Variants in AGFG1 observed in about 807,000 individuals in gnomAD.
The protein encoded by AGFG1 is ArfGAP with FG repeats 1.
A neutral mutation model predicts 60.6 loss-of-function variants in AGFG1; 10 were observed. The ratio of observed to expected loss-of-function variants is 0.16; its 90% CI spans 0.10 to 0.28. The LOEUF (loss-of-function observed/expected upper bound fraction) is 0.28, where lower values mean the gene tolerates loss of function less well. AGFG1 is among the 10% of genes least tolerant of loss of function. The probability of loss-of-function intolerance (pLI) is 1.00; values close to 1 mark genes in which losing one functional copy is unlikely to be tolerated. For missense variants in AGFG1, 537 were observed against 676.5 expected, an observed-to-expected ratio of 0.79 and a Z score of 2.29; for synonymous variants, 247 against 242.9, an observed-to-expected ratio of 1.02 and a Z score of -0.16.
chr2:227,543,509 G>C (rs1435970900), intron 10 of AGFG1, among the ~76,000 whole-genome samples: 1 of 152,118 alleles, frequency 6.6e-6, no homozygotes, highest in South Asian at 2.1e-4. Context: ...ATTGCACTGT[G>C]GTCTGAGAGA....
chr2:227,493,971 T>C (rs1384130432), intron 2 of AGFG1, among the ~76,000 whole-genome samples: 3 of 152,152 alleles, frequency 2.0e-5, no homozygotes, highest in Non-Finnish European at 4.4e-5. Flanking sequence ...TCACTGAAGA[T>C]GGAGCAAACA....
At chr2:227,539,573 A>T (rs757777508) in intron 10 of AGFG1, among the ~76,000 whole-genome samples, 1 of 151,810 alleles carries the variant, frequency 6.6e-6, no homozygotes, top group Non-Finnish European at 1.5e-5. Context: ...CCTGGGCAAC[A>T]TGGCGAACCC....
chr2:227,545,633 C>T (rs1692623932), intron 10 of AGFG1, among the ~76,000 whole-genome samples: 1 of 152,162 alleles, frequency 6.6e-6, no homozygotes, highest in Admixed American at 6.5e-5. Flanking sequence ...TGGTGACCTA[C>T]AGATGGGGTT....
chr2:227,482,864 G>A (rs1690510952), intron 1 of AGFG1, among the ~76,000 whole-genome samples: 1 of 152,094 alleles, frequency 6.6e-6, no homozygotes, highest in Non-Finnish European at 1.5e-5. Flanking sequence ...ATCTGCAGAT[G>A]TCTTAATTAT....
intron 1 of AGFG1, among the ~76,000 whole-genome samples, chr2:227,484,420 C>T (rs924103369): frequency 1.3e-5 from 2 of 152,128 alleles, no homozygotes; most frequent in African/African-American, 4.8e-5. Flanking sequence ...CTCCTGATCA[C>T]AAGTGATCCA....
intron 1 of AGFG1, among the ~76,000 whole-genome samples, chr2:227,490,510 GGAGCTTGCAGT>G (rs1690778219): frequency 1.3e-5 from 2 of 151,712 alleles, no homozygotes; most frequent in African/African-American, 2.4e-5. Flanking sequence ...CCCGGGAGGT[GGAGCTTGCAGT>G]GAGCCGAGAC....
intron 1 of AGFG1, among the ~76,000 whole-genome samples, chr2:227,474,075 G>A (rs2106146770): frequency 6.6e-6 from 1 of 152,234 alleles, no homozygotes; most frequent in African/African-American, 2.4e-5. Flanking sequence ...CTGAGAAGTT[G>A]CCAGTTAATA....
At position 227,524,848 on chromosome 2, in the gene AGFG1, T is replaced by C. The variant is rs750224811; in HGVS notation, c.627T>C (p.Ala209=). ...LLSDLGSDIF[A]APAPQSTATA... Reference sequence around the variant, plus strand: ...GTGATCTCGGCTCAGACATCTTTGCTGCTCCAGCTCCTCAGTCAACAGCTA... The same window carrying C: ...GTGATCTCGGCTCAGACATCTTTGCCGCTCCAGCTCCTCAGTCAACAGCTA... Residue 209 remains alanine, a synonymous_variant, in exon 5 of 13, where the codon GCT becomes GCC. Coordinates refer to ENST00000310078, the MANE Select transcript of AGFG1 (RefSeq NM_004504.5). 12 of 1,614,090 alleles carry C rather than the reference T, an allele frequency of 7.4e-6. No individual in the cohort carries two copies. Among genetic ancestry groups the C allele is most frequent in the Non-Finnish European group, 1.0e-5 (12 of 1,180,008 alleles).
At chr2:227,485,205 A>G (rs1041556929) in intron 1 of AGFG1, among the ~76,000 whole-genome samples, 1 of 149,068 alleles carries the variant, frequency 6.7e-6, no homozygotes, top group Admixed American at 6.7e-5. Flanking sequence ...AGTTGCTTTT[A>G]AGATCTTCTC....
At chr2:227,545,923 T>C (rs1692632346) in intron 10 of AGFG1, among the ~76,000 whole-genome samples, 1 of 152,204 alleles carries the variant, frequency 6.6e-6, no homozygotes, top group African/African-American at 2.4e-5. Flanking sequence ...GTCTCCCAGT[T>C]AGGCTACTGC....
intron 5 of AGFG1, 85 bp from the exon 6 acceptor site, chr2:227,531,006 C>T: frequency 4.9e-6 from 6 of 1,235,054 alleles, no homozygotes; most frequent in Non-Finnish European, 5.4e-6. Context: ...AGAAACTTTT[C>T]ATATAATTCT....
intron 2 of AGFG1, among the ~76,000 whole-genome samples, chr2:227,507,258 C>G (rs1410097745): frequency 6.6e-6 from 1 of 151,992 alleles, no homozygotes; most frequent in Non-Finnish European, 1.5e-5. Flanking sequence ...CCAGAAGCTA[C>G]ATAACATAAA....
chr2:227,492,963 A>G (rs1379742303), intron 2 of AGFG1, among the ~76,000 whole-genome samples: 1 of 152,264 alleles, frequency 6.6e-6, no homozygotes, highest in Admixed American at 6.5e-5. Context: ...AGTGTGCAAA[A>G]TTTTGGAAAT....
intron 10 of AGFG1, among the ~76,000 whole-genome samples, chr2:227,548,660 G>A (rs552208019): frequency 1.2e-4 from 19 of 152,302 alleles, no homozygotes; most frequent in East Asian, 7.7e-4. Context: ...AGATAAGGCC[G>A]GGTGCAGTGG....
At chr2:227,517,587 A>G (rs1229906384) in intron 2 of AGFG1, among the ~76,000 whole-genome samples, 1 of 152,154 alleles carries the variant, frequency 6.6e-6, no homozygotes, top group Non-Finnish European at 1.5e-5. Flanking sequence ...AATGTTTTGA[A>G]ACAGATTTGG....
At chr2:227,490,790 G>A (rs1453600658) in intron 1 of AGFG1, among the ~76,000 whole-genome samples, 1 of 152,154 alleles carries the variant, frequency 6.6e-6, no homozygotes, top group African/African-American at 2.4e-5. Context: ...CTGTTTGAGT[G>A]CATTTCCACT....
At chr2:227,493,284 C>T (rs1457762140) in intron 2 of AGFG1, among the ~76,000 whole-genome samples, 4 of 152,126 alleles carry the variant, frequency 2.6e-5, no homozygotes, top group Admixed American at 2.0e-4. Context: ...TCTTGTATAA[C>T]TGAAACTTTA....
chr2:227,495,208 A>G (rs967373871), intron 2 of AGFG1, among the ~76,000 whole-genome samples: 15 of 152,172 alleles, frequency 9.9e-5, no homozygotes, highest in Admixed American at 8.5e-4. Context: ...ATATTTCACA[A>G]AAAGTTTCCA....
Position 227,523,939 on chromosome 2 carries a change from G to T in AGFG1, c.540+14G>T. ...ACACCTAGTCAGGTGAGTAGTCTTT[G>T]AATCTTTGTAGGGAATTCGACTTAA... On this transcript the variant is annotated intron_variant, in intron 4 of 12. Transcript: ENST00000310078. 1.2e-6 allele frequency: 2 copies of T among 1,605,246 alleles called. No homozygotes were observed. The highest frequency in any genetic ancestry group is 1.1e-5 in the South Asian group (1 of 90,484).
Sources: allele counts gnomAD v4.1 joint callset (sites outside exome capture counted in the v4.1 genomes callset), GRCh38; gene constraint gnomAD v4.1.1; transcripts MANE v1.5; gene names NCBI Gene and HGNC (gene_info 2026-07-23, HGNC 2026-07-21).